The following TNIP3 variants were observed in gnomAD, a reference collection of about 807,000 sequenced individuals.
TNIP3 encodes the protein TNFAIP3 interacting protein 3.
TNIP3 carries 34 observed loss-of-function variants against 54.1 expected under a neutral mutation model. The observed-to-expected ratio is 0.63, with a 90% confidence interval of 0.48 to 0.84. The LOEUF (loss-of-function observed/expected upper bound fraction) is 0.84, where lower values mean the gene tolerates loss of function less well. Among genes scored for constraint, TNIP3 ranks in the 40% least tolerant of loss-of-function variants. The pLI is 0.00. For synonymous variants in TNIP3, 134 were observed against 136.8 expected (o/e 0.98, Z 0.14); for missense variants, 366 against 387.6 (o/e 0.94, Z 0.47).
upstream of TNIP3, among the ~76,000 whole-genome samples, chr4:121,168,446 G>A (rs866961090): frequency 1.4e-4 from 22 of 151,768 alleles, no homozygotes; most frequent in African/African-American, 2.2e-4. Flanking sequence ...TGATCCACCC[G>A]CCTCGGCCTC....
chr4:121,140,454 T>C (rs943474840), intron 9 of TNIP3, among the ~76,000 whole-genome samples: 25 of 152,226 alleles, frequency 1.6e-4, no homozygotes, highest in African/African-American at 5.8e-4. Context: ...CTGCCTTGCC[T>C]TTTTTAATTG....
At chr4:121,138,787 C>A in intron 9 of TNIP3, 103 bp from the exon 10 acceptor site, 1 of 1,064,104 alleles carries the variant, frequency 9.4e-7, no homozygotes, top group East Asian at 2.4e-5. Context: ...GCAGGCAACA[C>A]AAAAGTAATT....
chr4:121,187,786 T>C (rs1295305169), intron 2 of TNIP3, among the ~76,000 whole-genome samples: 1 of 152,212 alleles, frequency 6.6e-6, no homozygotes, highest in Non-Finnish European at 1.5e-5. Flanking sequence ...CAGAATAATA[T>C]GTGTGCTATG....
chr4:121,161,042 G>T, intron 2 of TNIP3, 94 bp downstream of exon 2: 1 of 1,007,228 alleles, frequency 9.9e-7, no homozygotes. Flanking sequence ...ACTGTGACCT[G>T]ATAACAAAAA....
chr4:121,141,822 C>A lies in TNIP3; in HGVS notation c.879G>T (p.Glu293Asp). The A allele has an allele frequency of 6.5e-7, 1 of 1,537,852 alleles. No homozygotes were observed. The highest frequency in any genetic ancestry group is 8.8e-7 in the Non-Finnish European group (1 of 1,142,324). ...CAAATGCACTCTTACTTACTGGGTG[C>A]TCCCGTTGCTTCTGCACAGCTCCAG... ...TGPGAVQKQR[E>D]HPPDYQWYAL... Residue 293 changes from glutamate (E) to aspartate (D), a missense_variant, in exon 9 of 11, where the codon GAG becomes GAT. Physicochemically the swap from Glu to Asp is conservative, Grantham distance 45 (BLOSUM62 2). Transcript: ENST00000057513.
At chr4:121,138,771 TA>T (rs772582563) in intron 9 of TNIP3, 87 bp from the exon 10 acceptor site, 1 of 1,242,626 alleles carries the variant, frequency 8.0e-7, no homozygotes. Flanking sequence ...ATGTGGCTTT[TA>T]TTAAGCAGGC....
intron 2 of TNIP3, among the ~76,000 whole-genome samples, chr4:121,198,434 CA>C (rs1240347179): frequency 6.6e-6 from 1 of 152,144 alleles, no homozygotes; most frequent in Non-Finnish European, 1.5e-5. Context: ...CACAGAGCTA[CA>C]GTGCAAAATT....
rs1729938150 is a variant in TNIP3, at chr4:121,154,185, T to C, written c.492+366A>G. On this transcript the variant is annotated intron_variant, in intron 5 of 10. Coordinates refer to ENST00000057513, the MANE Select transcript of TNIP3 (RefSeq NM_024873.6). ...ACACCCAACTCCATAGTGATCATTT[T>C]AAAGAGCAGTTTGTTTCCTGAGGAA... 1.1e-5 allele frequency: 3 copies of C among 281,182 alleles called. No individual in the cohort carries two copies. In the South Asian group the frequency reaches 1.1e-4, roughly 10 times the overall value. The allele number at this position is 281,182 out of a possible 1,614,324, so 17.4% of individuals were successfully genotyped here.
intron 2 of TNIP3, among the ~76,000 whole-genome samples, chr4:121,194,865 C>T (rs1380101741): frequency 2.6e-5 from 4 of 151,708 alleles, no homozygotes; most frequent in Non-Finnish European, 4.4e-5. Flanking sequence ...AAAAAGTACA[C>T]ACACACACAG....
At chr4:121,188,296 T>C (rs1359305466) in intron 2 of TNIP3, among the ~76,000 whole-genome samples, 1 of 151,782 alleles carries the variant, frequency 6.6e-6, no homozygotes, top group African/African-American at 2.4e-5. Context: ...TTCACCAATT[T>C]GACAATGAAA....
chr4:121,223,120 T>TA (rs1054299620), intron 1 of TNIP3, among the ~76,000 whole-genome samples: 5 of 152,232 alleles, frequency 3.3e-5, no homozygotes, highest in Admixed American at 2.6e-4. Context: ...TGTTTGTTTT[T>TA]ATGAGAATAT....
chr4:121,204,024 G>A (rs13108214), intron 2 of TNIP3, among the ~76,000 whole-genome samples: 35,712 of 150,124 alleles, frequency 0.24, 4,464 homozygotes, highest in African/African-American at 0.29. Context: ...CTGCTATTTG[G>A]TTATTTTGCA....
chr4:121,134,789 G>T (rs1728681022), intron 10 of TNIP3, among the ~76,000 whole-genome samples: 1 of 152,110 alleles, frequency 6.6e-6, no homozygotes, highest in African/African-American at 2.4e-5. Flanking sequence ...ATCTTATAGA[G>T]GACTCTGCTC....
chr4:121,179,937 T>C (rs1413290890), intron 3 of TNIP3, among the ~76,000 whole-genome samples: 2 of 152,104 alleles, frequency 1.3e-5, no homozygotes, highest in African/African-American at 2.4e-5. Context: ...AGTACATGTG[T>C]CTGGAGTCAT....
upstream of TNIP3, chr4:121,216,753 G>A: frequency 4.7e-6 from 3 of 643,762 alleles, no homozygotes; most frequent in Non-Finnish European, 7.0e-6. Flanking sequence ...AGAATCTCAT[G>A]ACAGGGAGAA....
In TNIP3 at chr4:121,150,099, T is replaced by C; in HGVS notation, c.609+4A>G. The C allele has an allele frequency of 6.2e-7, 1 of 1,604,428 alleles. No individual in the cohort carries two copies. The highest frequency in any genetic ancestry group is 2.2e-5 in the East Asian group (1 of 44,780). Reference sequence around the variant, plus strand: ...ACAGGATCATGCCACTTCCAGCTTCTCACCTGCTGCTTCAGAACTTCCATT... The same window carrying C: ...ACAGGATCATGCCACTTCCAGCTTCCCACCTGCTGCTTCAGAACTTCCATT... On this transcript the variant is annotated splice_donor_region_variant and intron_variant, in intron 6 of 10. Transcript: ENST00000057513.
chr4:121,178,175 G>T (rs1389342728), intron 3 of TNIP3, among the ~76,000 whole-genome samples: 1 of 152,212 alleles, frequency 6.6e-6, no homozygotes, highest in Non-Finnish European at 1.5e-5. Context: ...ACATATTTGA[G>T]TTTAGGTCCA....
At chr4:121,206,031 C>T (rs893933295) in intron 2 of TNIP3, among the ~76,000 whole-genome samples, 9 of 152,148 alleles carry the variant, frequency 5.9e-5, no homozygotes, top group African/African-American at 2.2e-4. Flanking sequence ...TGAGAACTCA[C>T]TCAAAATCTT....
intron 3 of TNIP3, among the ~76,000 whole-genome samples, chr4:121,174,900 ATTCAAAAATATT>A (rs1724217709): frequency 6.6e-6 from 1 of 152,226 alleles, no homozygotes; most frequent in East Asian, 1.9e-4. Context: ...TCCCATACCC[ATTCAAAAATATT>A]TTCAATCAAA....
Sources: gnomAD v4.1 joint callset for allele counts (sites outside exome capture counted in the v4.1 genomes callset) on GRCh38, gnomAD v4.1.1 for gene constraint, MANE v1.5 for transcripts, NCBI Gene and HGNC (gene_info 2026-07-23, HGNC 2026-07-21) for gene names.